AADACL3: variants seen among roughly 807,000 people sequenced by gnomAD.
AADACL3 encodes the protein arylacetamide deacetylase-like 3.
Under a neutral mutation model 13.6 loss-of-function variants are expected in AADACL3, and 13 were observed. The ratio of observed to expected loss-of-function variants is 0.95; its 90% CI spans 0.62 to 1.52. The LOEUF (loss-of-function observed/expected upper bound fraction) is 1.52, where lower values mean the gene tolerates loss of function less well. AADACL3 is among the 40% of genes most tolerant of loss of function. AADACL3 has a pLI of 0.00. For missense variants in AADACL3, 519 were observed against 499.2 expected, an observed-to-expected ratio of 1.04 and a Z score of -0.38; for synonymous variants, 195 against 197.0, an observed-to-expected ratio of 0.99 and a Z score of 0.08.
Position 12,719,549 on chromosome 1 carries a change from A to C in AADACL3, c.243A>C (p.Leu81=). ...GTTTCATGCAAGATCTGCCTCCGCT[A>C]AAGTATGACCCCGATGTTGTGGTCA... ...FFCFMQDLPP[L]KYDPDVVVTD... is the part of the protein sequence containing the mutation. The change falls in exon 2 of 4, where the codon CTA becomes CTC. Residue 81 remains leucine (L), a synonymous_variant. Transcript: ENST00000359318. 6.2e-7 allele frequency: 1 copy of C among 1,614,152 alleles called. No individual in the cohort carries two copies. Among genetic ancestry groups the C allele is most frequent in the Non-Finnish European group, 8.5e-7 (1 of 1,179,994 alleles).
intron 1 of AADACL3, among the ~76,000 whole-genome samples, chr1:12,716,552 C>T (rs893359975): frequency 6.6e-6 from 1 of 152,144 alleles, no homozygotes; most frequent in Non-Finnish European, 1.5e-5. Flanking sequence ...GGCTAATATT[C>T]ACAAAATTCA....
chr1:12,727,024 C>T lies in AADACL3; in HGVS notation c.*1028C>T, dbSNP rs1332669433. ...TGTCTTCTCTGCTCTGCTCTTCTCT[C>T]CTCTGTGTTAATGCCACCTTCTCCT... On this transcript the variant is annotated 3_prime_UTR_variant, in exon 4 of 4. Coordinates refer to ENST00000359318, the MANE Select transcript of AADACL3 (RefSeq NM_001103170.3). 1 of 152,378 alleles carries T rather than the reference C, an allele frequency of 6.6e-6. No homozygotes were observed. Among genetic ancestry groups the T allele is most frequent in the African/African-American group, 2.4e-5 (1 of 41,452 alleles). The allele number at this position is 152,378 out of a possible 1,614,324, so 9.4% of individuals were successfully genotyped here. A position where few individuals can be genotyped will look rare whatever the true frequency, so the allele number is the denominator to read the frequency against.
In AADACL3 at chr1:12,725,936, G is replaced by T. The variant is rs532664589; in HGVS notation, c.1164G>T (p.Leu388Phe). The T allele has an allele frequency of 5.6e-6, 9 of 1,614,146 alleles. No homozygotes were observed. The African/African-American group carries it at 6.7e-5, about 12-fold the overall frequency. Residue 388 changes from leucine (L) to phenylalanine (F), a missense_variant, in exon 4 of 4, where the codon TTG becomes TTT. Leu to Phe is a conservative substitution (Grantham distance 22). Coordinates refer to ENST00000359318, the MANE Select transcript of AADACL3 (RefSeq NM_001103170.3). ...TCAGGACCATTGACATGAGCTTCTT[G>T]CACTTTCCCTGCTCCATGAGAATTC... ...GVLRTIDMSF[L>F]HFPCSMRILS...
rs1372758140 is a variant in AADACL3, at chr1:12,727,197, T to G, written c.*1201T>G. The G allele has an allele frequency of 6.6e-6, 1 of 152,214 alleles. No individual in the cohort carries two copies. The highest frequency in any genetic ancestry group is 1.5e-5 in the Non-Finnish European group (1 of 68,040). The allele number at this position is 152,214 out of a possible 1,614,324, so 9.4% of individuals were successfully genotyped here. On this transcript the variant is annotated 3_prime_UTR_variant, in exon 4 of 4. Coordinates refer to ENST00000359318, the MANE Select transcript of AADACL3 (RefSeq NM_001103170.3). ...TTGGCTTTCTGAGCAATGTGTCCAG[T>G]TGCCACAGTGAAGGGAATGGAATAA...
chr1:12,717,091 A>G (rs1352926565), intron 1 of AADACL3, among the ~76,000 whole-genome samples: 2 of 152,244 alleles, frequency 1.3e-5, no homozygotes, highest in Admixed American at 1.3e-4. Flanking sequence ...AACTGAATAT[A>G]CAAAATATTT....
At chr1:12,716,497 A>G (rs1354097613) in intron 1 of AADACL3, among the ~76,000 whole-genome samples, 153 bp downstream of exon 1, 1 of 152,134 alleles carries the variant, frequency 6.6e-6, no homozygotes, top group Non-Finnish European at 1.5e-5. Flanking sequence ...CATAATCCCT[A>G]TTAGGTGGTT....
chr1:12,717,630 G>A (rs1472796153), intron 1 of AADACL3, among the ~76,000 whole-genome samples: 2 of 152,224 alleles, frequency 1.3e-5, no homozygotes, highest in Non-Finnish European at 2.9e-5. Context: ...TAGGGAGCTT[G>A]TAGGGTCCAG....
rs1648429494 is a variant in AADACL3 at position 12,716,246 on chromosome 1, AT to A, written c.73del (p.Cys25AlafsTer17). 6.5e-7 allele frequency: 1 copy of A among 1,528,368 alleles called. No individual in the cohort carries two copies. The highest frequency in any genetic ancestry group is 1.7e-5 in the Admixed American group (1 of 59,876). The allele number at this position is 1,528,368 out of a possible 1,614,324, so 94.7% of individuals were successfully genotyped here. A position where few individuals can be genotyped will look rare whatever the true frequency, so the allele number is the denominator to read the frequency against. ...VFSLGVTLWVICSHFFTVHIP... is the reference protein window; with the variant it reads ...VFSLGVTLWVXCSHFFTVHIP... ...CTCACTAGGGGTCACTCTGTGGGTC[AT>A]TTGCAGCCATTTTTTCACTGTGCAC... is the stretch of plus-strand genomic sequence containing the variant. On this transcript the variant is annotated frameshift_variant, in exon 1 of 4. Transcript: ENST00000359318. LOFTEE classifies it high-confidence loss of function.
Position 12,726,110 on chromosome 1 carries a change from G to A in AADACL3, c.*114G>A. ...ATAGTGGGGCTAGGGAGGGGGTAGA[G>A]GTTGCTGTCACCTTTCTGGTCCAGG... On this transcript the variant is annotated 3_prime_UTR_variant, in exon 4 of 4. Transcript: ENST00000359318. The A allele has an allele frequency of 2.5e-6, 3 of 1,204,992 alleles. No homozygotes were observed. Among genetic ancestry groups the A allele is most frequent in the Non-Finnish European group, 3.4e-6 (3 of 876,124 alleles). The allele number at this position is 1,204,992 out of a possible 1,614,324, so 74.6% of individuals were successfully genotyped here.
intron 3 of AADACL3, among the ~76,000 whole-genome samples, chr1:12,724,264 C>T (rs963002863): frequency 9.9e-5 from 15 of 152,096 alleles, no homozygotes; most frequent in Admixed American, 1.3e-4. Context: ...CACCTACAAC[C>T]ACATTCACTT....
intron 3 of AADACL3, among the ~76,000 whole-genome samples, chr1:12,723,828 G>C (rs1394614970): frequency 6.9e-6 from 1 of 144,538 alleles, no homozygotes; most frequent in South Asian, 2.2e-4. Flanking sequence ...TTGTTGCCCA[G>C]GTTGGAGTGC....
rs1050506054 is a variant in AADACL3, at chr1:12,727,412, A to G, written c.*1416A>G. 2.0e-5 allele frequency: 3 copies of G among 152,214 alleles called. No homozygotes were observed. The highest frequency in any genetic ancestry group is 1.5e-5 in the Non-Finnish European group (1 of 68,046). 9.4% of individuals were successfully genotyped at this position (152,214 alleles called of 1,614,324 possible). A position where few individuals can be genotyped will look rare whatever the true frequency, so the allele number is the denominator to read the frequency against. On this transcript the variant is annotated 3_prime_UTR_variant, in exon 4 of 4. Coordinates refer to ENST00000359318, the MANE Select transcript of AADACL3 (RefSeq NM_001103170.3). Reference sequence around the variant, plus strand: ...GCTAAATTGAACCCTCAGGCAGGGTACGTGAAAGTGGCAAGAGATGTCAAG... The same window carrying G: ...GCTAAATTGAACCCTCAGGCAGGGTGCGTGAAAGTGGCAAGAGATGTCAAG...
In AADACL3 at chr1:12,726,530, G is replaced by A. The variant is rs139206123; in HGVS notation, c.*534G>A. 1.6e-3 allele frequency: 240 copies of A among 153,316 alleles called. 1 individual carries two copies. The highest frequency in any genetic ancestry group is 9.5e-3 in the South Asian group (46 of 4,838). The allele number at this position is 153,316 out of a possible 1,614,324, so 9.5% of individuals were successfully genotyped here. ...TCTGTGAACAGTAGTGACTTTTCCCGCTGTTTCTCAGCCTCTGGGATCAGA... is the reference window on the plus strand; with the variant it reads ...TCTGTGAACAGTAGTGACTTTTCCCACTGTTTCTCAGCCTCTGGGATCAGA... On this transcript the variant is annotated 3_prime_UTR_variant, in exon 4 of 4. Coordinates refer to ENST00000359318, the MANE Select transcript of AADACL3 (RefSeq NM_001103170.3).
chr1:12,721,037 G>T, intron 3 of AADACL3, 91 bp downstream of exon 3: 1 of 301,270 alleles, frequency 3.3e-6, no homozygotes, highest in Non-Finnish European at 6.9e-6. Flanking sequence ...GGTGGGGGGT[G>T]GGGGATGGGA....
chr1:12,724,064 G>A (rs1043408383), intron 3 of AADACL3, among the ~76,000 whole-genome samples: 4 of 152,104 alleles, frequency 2.6e-5, no homozygotes, highest in African/African-American at 2.4e-5. Flanking sequence ...GATTACAGGC[G>A]TGAGCCACTG....
At position 12,722,108 on chromosome 1, in the gene AADACL3, C is replaced by T. The variant is rs188003879; in HGVS notation, c.449+1162C>T. ...GCACGAGGCCAAGGTGGGTGGATCA[C>T]TTGAGGCCAGGAGTTCAAGACCAGC... On this transcript the variant is annotated intron_variant, in intron 3 of 3. Transcript: ENST00000359318. Among the ~76,000 whole-genome samples, 90 of 152,238 alleles carry T rather than the reference C, an allele frequency of 5.9e-4. 1 individual carries two copies. Among genetic ancestry groups the T allele is most frequent in the Admixed American group, 5.8e-3 (89 of 15,294 alleles).
chr1:12,725,130 G>GTGAATGGAC, intron 3 of AADACL3, 92 bp from the exon 4 acceptor site: 2 of 1,347,990 alleles, frequency 1.5e-6, no homozygotes, highest in Admixed American at 4.6e-5. Flanking sequence ...ACAAAGGGAA[G>GTGAATGGAC]TGAATGGACT....
rs1569637852 is a variant in AADACL3, at chr1:12,727,752, T to G, written c.*1756T>G. On this transcript the variant is annotated 3_prime_UTR_variant, in exon 4 of 4. Transcript: ENST00000359318. Reference sequence around the variant, plus strand: ...CATCCCCTGAAAACACACACTATGGTAGCCACTCAACTGTTGAAAGGCACT... The same window carrying G: ...CATCCCCTGAAAACACACACTATGGGAGCCACTCAACTGTTGAAAGGCACT... 1 of 152,228 alleles carries G rather than the reference T, an allele frequency of 6.6e-6. No homozygotes were observed. The highest frequency in any genetic ancestry group is 1.9e-4 in the East Asian group (1 of 5,190). 9.4% of individuals were successfully genotyped at this position (152,228 alleles called of 1,614,324 possible).
At chr1:12,721,639 T>C (rs2100211743) in intron 3 of AADACL3, among the ~76,000 whole-genome samples, 1 of 152,296 alleles carries the variant, frequency 6.6e-6, no homozygotes, top group East Asian at 1.9e-4. Flanking sequence ...AAAACAACCC[T>C]GCACCTCCTT....
Sources: gnomAD v4.1 joint callset for allele counts (sites outside exome capture counted in the v4.1 genomes callset) on GRCh38, gnomAD v4.1.1 for gene constraint, MANE v1.5 for transcripts, NCBI Gene and HGNC (gene_info 2026-07-23, HGNC 2026-07-21) for gene names.